SDHC: variants seen among roughly 807,000 people sequenced by gnomAD.
The protein encoded by SDHC is succinate dehydrogenase cytochrome b560 subunit, mitochondrial.
SDHC carries 11 observed loss-of-function variants against 22.6 expected under a neutral mutation model. The observed-to-expected ratio is 0.49, with a 90% confidence interval of 0.31 to 0.81. The LOEUF is 0.81. Among genes scored for constraint, SDHC ranks in the 30% least tolerant of loss-of-function variants. The probability of loss-of-function intolerance (pLI) is 0.05; values close to 1 mark genes in which losing one functional copy is unlikely to be tolerated. For synonymous variants in SDHC, 80 were observed against 77.8 expected, an observed-to-expected ratio of 1.03 and a Z score of -0.15; for missense variants, 160 against 212.0, an observed-to-expected ratio of 0.75 and a Z score of 1.52.
At chr1:161,336,858 AG>A (rs1160388578) in intron 3 of SDHC, among the ~76,000 whole-genome samples, 1 of 151,376 alleles carries the variant, frequency 6.6e-6, no homozygotes, top group Non-Finnish European at 1.5e-5. Context: ...TACTTTCTGG[AG>A]GTATTTTTTT....
chr1:161,319,716 G>A (rs548671627), intron 1 of SDHC, among the ~76,000 whole-genome samples: 13 of 152,254 alleles, frequency 8.5e-5, no homozygotes, highest in Non-Finnish European at 1.5e-4. Context: ...CATAGTGCTG[G>A]GATTACAGGC....
At chr1:161,346,387 T>C (rs1345948377) in intron 4 of SDHC, among the ~76,000 whole-genome samples, 1 of 152,046 alleles carries the variant, frequency 6.6e-6, no homozygotes, top group East Asian at 1.9e-4. Flanking sequence ...CAAATATTTA[T>C]AATGCACTGT....
intron 4 of SDHC, among the ~76,000 whole-genome samples, chr1:161,356,413 C>T (rs1283060818): frequency 6.6e-6 from 1 of 152,074 alleles, no homozygotes; most frequent in East Asian, 1.9e-4. Flanking sequence ...GTGGTGGGCA[C>T]CTGTCATCCC....
In SDHC at chr1:161,356,743, T is replaced by A; in HGVS notation, c.308T>A (p.Val103Glu). 6.2e-7 allele frequency: 1 copy of A among 1,614,090 alleles called. No homozygotes were observed. Among genetic ancestry groups the A allele is most frequent in the Non-Finnish European group, 8.5e-7 (1 of 1,179,984 alleles). ...PGNFESYLEL[V>E]KSLCLGPALI... is the part of the protein sequence containing the mutation. ...AACTTTGAGTCTTATTTGGAACTTG[T>A]GAAGTCCCTGTGTCTGGGGCCAGCA... Residue 103 changes from valine (V) to glutamate (E), a missense_variant, in exon 5 of 6, where the codon GTG becomes GAG. By Grantham distance (121) the Val-to-Glu change is moderately radical. This residue lies in a region of SDHC where 74 missense variants were observed against 128.6 expected (regional missense o/e 0.58). Transcript: ENST00000367975.
At chr1:161,339,662 G>GTGTTTTTTTTTTTTTTTTTTTT (rs1671638291) in intron 3 of SDHC, 1 of 49,566 alleles carries the variant, frequency 2.0e-5, no homozygotes, top group Admixed American at 5.3e-4. Context: ...TGATACAGGT[G>GTGTTTTTTTTTTTTTTTTTTTT]TTTTTTTTTT....
intron 1 of SDHC, among the ~76,000 whole-genome samples, chr1:161,320,949 C>T (rs1200799251): frequency 6.6e-6 from 1 of 151,614 alleles, no homozygotes; most frequent in Non-Finnish European, 1.5e-5. Context: ...GCCTCAGCCT[C>T]CCGAGTAGCT....
chr1:161,358,093 A>G (rs898527686), intron 5 of SDHC, among the ~76,000 whole-genome samples: 3 of 143,852 alleles, frequency 2.1e-5, no homozygotes, highest in Non-Finnish European at 3.0e-5. Flanking sequence ...CTGGAGTGCA[A>G]TGGTGCAATC....
rs142191693 is a variant in SDHC at position 161,339,559 on chromosome 1, C to T, written c.180-1035C>T. ...GAGTTATAATCATTTTTTTTTTTCT[C>T]AGCCCTATCAGTGATGCAGTCTGGT... On this transcript the variant is annotated intron_variant, in intron 3 of 5. Transcript: ENST00000367975. The T allele has an allele frequency of 3.7e-3, 4,588 of 1,254,824 alleles. 232 individuals carry two copies. The Admixed American group carries it at 0.088, about 24-fold the overall frequency. 77.7% of individuals were successfully genotyped at this position (1,254,824 alleles called of 1,614,324 possible). A position where few individuals can be genotyped will look rare whatever the true frequency, so the allele number is the denominator to read the frequency against.
At chr1:161,334,891 A>C (rs1303863214) in intron 3 of SDHC, among the ~76,000 whole-genome samples, 2 of 152,178 alleles carry the variant, frequency 1.3e-5, no homozygotes, top group Admixed American at 1.3e-4. Flanking sequence ...TTGGCTGTGC[A>C]TTTCCTCAAT....
At chr1:161,358,110 C>T (rs4631719) in intron 5 of SDHC, among the ~76,000 whole-genome samples, 17,080 of 146,766 alleles carry the variant, frequency 0.12, 1,331 homozygotes, top group African/African-American at 0.22. Context: ...AATCTCAGCT[C>T]ACTGCAACCT....
chr1:161,325,355 A>C (rs549385704), intron 2 of SDHC, among the ~76,000 whole-genome samples: 1 of 151,892 alleles, frequency 6.6e-6, no homozygotes, highest in Non-Finnish European at 1.5e-5. Context: ...AAATAAATAA[A>C]TAAATAAATA....
intron 4 of SDHC, among the ~76,000 whole-genome samples, chr1:161,354,109 C>T (rs1339860619): frequency 1.3e-5 from 2 of 152,074 alleles, no homozygotes; most frequent in African/African-American, 2.4e-5. Context: ...CCTCAGCCTC[C>T]TAAATTGCTA....
At chr1:161,340,146 G>A (rs1185421435) in intron 3 of SDHC, among the ~76,000 whole-genome samples, 2 of 152,020 alleles carry the variant, frequency 1.3e-5, no homozygotes, top group African/African-American at 4.8e-5. Flanking sequence ...AAAATTAGGC[G>A]GACCTGGTGG....
chr1:161,354,454 T>G (rs1672195377), intron 4 of SDHC, among the ~76,000 whole-genome samples: 1 of 152,058 alleles, frequency 6.6e-6, no homozygotes, highest in South Asian at 2.1e-4. Flanking sequence ...TGAGTTTGCT[T>G]TGGTACCCCA....
At chr1:161,316,584 T>C (rs1473733940) in intron 1 of SDHC, among the ~76,000 whole-genome samples, 1 of 152,192 alleles carries the variant, frequency 6.6e-6, no homozygotes, top group East Asian at 1.9e-4. Flanking sequence ...AACAATCTGA[T>C]CTCTCTTTCT....
intron 1 of SDHC, among the ~76,000 whole-genome samples, chr1:161,319,110 A>G (rs925662567): frequency 1.3e-5 from 2 of 152,150 alleles, no homozygotes; most frequent in Non-Finnish European, 2.9e-5. Flanking sequence ...AATCCCAGCT[A>G]CTCAGAAGGC....
chr1:161,348,484 G>C (rs1355620331), intron 4 of SDHC, among the ~76,000 whole-genome samples: 1 of 151,622 alleles, frequency 6.6e-6, no homozygotes, highest in East Asian at 1.9e-4. Flanking sequence ...GGTTGAAAGA[G>C]GAGACTAATA....
chr1:161,341,187 G>C (rs1328961102), intron 4 of SDHC, among the ~76,000 whole-genome samples: 2 of 152,106 alleles, frequency 1.3e-5, no homozygotes, highest in Non-Finnish European at 1.5e-5. Context: ...AGCACTTCCT[G>C]ATATCATGTT....
intron 1 of SDHC, chr1:161,314,639 T>A: frequency 1.6e-6 from 1 of 606,564 alleles, no homozygotes; most frequent in East Asian, 2.8e-5. Context: ...ACTGACTTCG[T>A]ATCGAGGGGC....
Sources: allele counts gnomAD v4.1 joint callset (sites outside exome capture counted in the v4.1 genomes callset), GRCh38; gene constraint gnomAD v4.1.1; regional missense constraint gnomAD v4.1.1; transcripts MANE v1.5; gene names NCBI Gene and HGNC (gene_info 2026-07-23, HGNC 2026-07-21).